ARB2A: variants seen among roughly 807,000 people sequenced by gnomAD.
The protein encoded by ARB2A is ARB2 cotranscriptional regulator A.
At chr5:93,939,154 G>C in the ARB2A span, among the ~76,000 whole-genome samples, 1 of 152,238 alleles carries the variant, frequency 6.6e-6, no homozygotes, top group Non-Finnish European at 1.5e-5. Flanking sequence ...GAATTGGCAA[G>C]TCTTTCAAAT....
the ARB2A span, chr5:93,620,129 ATG>A: frequency 6.6e-6 from 1 of 152,344 alleles, no homozygotes; most frequent in South Asian, 2.1e-4. Context: ...AGTACACATT[ATG>A]TGTTTAAAAA....
the ARB2A span, among the ~76,000 whole-genome samples, chr5:93,747,045 T>G: frequency 6.6e-6 from 1 of 152,158 alleles, no homozygotes; most frequent in Non-Finnish European, 1.5e-5. Context: ...ACATTCAAAT[T>G]ATCACTCTGC....
chr5:93,852,001 T>C, the ARB2A span, among the ~76,000 whole-genome samples: 1 of 152,202 alleles, frequency 6.6e-6, no homozygotes, highest in Non-Finnish European at 1.5e-5. Flanking sequence ...ATGGTATTTC[T>C]AGTTCTAGAT....
At chr5:93,719,560 C>T in the ARB2A span, among the ~76,000 whole-genome samples, 3 of 152,124 alleles carry the variant, frequency 2.0e-5, no homozygotes, top group African/African-American at 2.4e-5. Flanking sequence ...TTCCAGCCAG[C>T]ATATTCCTTC....
the ARB2A span, among the ~76,000 whole-genome samples, chr5:94,029,033 A>C: frequency 6.6e-6 from 1 of 152,128 alleles, no homozygotes; most frequent in African/African-American, 2.4e-5. Flanking sequence ...TTTGAGATAG[A>C]GTCTTGGTCT....
the ARB2A span, among the ~76,000 whole-genome samples, chr5:94,107,295 A>C: frequency 4.2e-5 from 6 of 144,146 alleles, no homozygotes; most frequent in Admixed American, 4.3e-4. Flanking sequence ...TTCTGTCTCT[A>C]ATTTCTCTGT....
chr5:93,885,410 A>C, the ARB2A span, among the ~76,000 whole-genome samples: 1 of 151,582 alleles, frequency 6.6e-6, no homozygotes, highest in South Asian at 2.1e-4. Context: ...TTATACGATA[A>C]AAAGTTAGGT....
the ARB2A span, among the ~76,000 whole-genome samples, chr5:93,796,742 T>C: frequency 1.3e-5 from 2 of 152,206 alleles, no homozygotes; most frequent in Non-Finnish European, 1.5e-5. Flanking sequence ...ATTCTTTAAG[T>C]TGGGATTTTA....
the ARB2A span, among the ~76,000 whole-genome samples, chr5:93,887,073 A>G: frequency 1.3e-5 from 2 of 151,734 alleles, no homozygotes; most frequent in African/African-American, 2.4e-5. Context: ...GCACTTACTC[A>G]TAAATCATAA....
chr5:93,884,080 T>A, the ARB2A span, among the ~76,000 whole-genome samples: 1 of 151,554 alleles, frequency 6.6e-6, no homozygotes, highest in Non-Finnish European at 1.5e-5. Flanking sequence ...AAATTTCAAA[T>A]TCAAAAACTT....
At chr5:94,015,687 T>C in the ARB2A span, among the ~76,000 whole-genome samples, 2 of 147,856 alleles carry the variant, frequency 1.4e-5, no homozygotes, top group African/African-American at 5.3e-5. Flanking sequence ...AAGAATTGTT[T>C]ATTTATTTTC....
At chr5:93,716,442 G>C in the ARB2A span, among the ~76,000 whole-genome samples, 10 of 151,950 alleles carry the variant, frequency 6.6e-5, no homozygotes, top group African/African-American at 2.4e-4. Flanking sequence ...AAATACAGAA[G>C]CAAAATGAAT....
At chr5:94,084,951 T>C in the ARB2A span, among the ~76,000 whole-genome samples, 8 of 152,310 alleles carry the variant, frequency 5.3e-5, no homozygotes, top group African/African-American at 1.9e-4. Context: ...ACTTTGATGT[T>C]GGGGCAAGGA....
At chr5:93,770,569 G>A in the ARB2A span, among the ~76,000 whole-genome samples, 48 of 152,196 alleles carry the variant, frequency 3.2e-4, no homozygotes, top group South Asian at 6.2e-4. Context: ...CATTGTCTCA[G>A]CCCAAAATCT....
the ARB2A span, among the ~76,000 whole-genome samples, chr5:94,060,160 C>T: frequency 6.6e-6 from 1 of 152,192 alleles, no homozygotes; most frequent in East Asian, 1.9e-4. Flanking sequence ...GAGTTTGAGA[C>T]CAGCCTGACC....
At chr5:93,904,885 A>G in the ARB2A span, among the ~76,000 whole-genome samples, 1 of 151,746 alleles carries the variant, frequency 6.6e-6, no homozygotes, top group East Asian at 1.9e-4. Flanking sequence ...AAATTTTTCT[A>G]TTAAGGAGTC....
the ARB2A span, among the ~76,000 whole-genome samples, chr5:93,988,156 C>A: frequency 6.6e-6 from 1 of 152,164 alleles, no homozygotes; most frequent in South Asian, 2.1e-4. Context: ...GTCATTATCT[C>A]TTCCTTGCTT....
the ARB2A span, among the ~76,000 whole-genome samples, chr5:94,074,246 C>T: frequency 8.5e-5 from 13 of 152,198 alleles, no homozygotes; most frequent in African/African-American, 3.1e-4. Context: ...GTATAAACCT[C>T]TCATAAAATA....
the ARB2A span, among the ~76,000 whole-genome samples, chr5:93,946,404 G>T: frequency 6.6e-6 from 1 of 151,968 alleles, no homozygotes; most frequent in African/African-American, 2.4e-5. Flanking sequence ...ATTAAGAGAC[G>T]AATGAAGATC....
Sources: allele counts gnomAD v4.1 joint callset (sites outside exome capture counted in the v4.1 genomes callset), GRCh38; gene constraint gnomAD v4.1.1; transcripts MANE v1.5; gene names NCBI Gene and HGNC (gene_info 2026-07-23, HGNC 2026-07-21).